DOHH: variants seen among roughly 807,000 people sequenced by gnomAD.
The protein encoded by DOHH is deoxyhypusine hydroxylase.
Under a neutral mutation model 19.9 loss-of-function variants are expected in DOHH, and 16 were observed. The ratio of observed to expected loss-of-function variants is 0.80; its 90% CI spans 0.54 to 1.22. The LOEUF is 1.22. Ranked by LOEUF, DOHH falls within the 50% of genes most tolerant of loss-of-function variation. The pLI, the probability that DOHH is intolerant of heterozygous loss-of-function variation, is 0.00. For synonymous variants in DOHH, 233 were observed against 217.0 expected, an observed-to-expected ratio of 1.07 and a Z score of -0.65; for missense variants, 460 against 460.6, an observed-to-expected ratio of 1.00 and a Z score of 0.01.
chr19:3,500,416 G>T (rs1385660954), intron 1 of DOHH, 145 bp downstream of exon 1: 1 of 152,248 alleles, frequency 6.6e-6, no homozygotes, highest in Non-Finnish European at 1.5e-5. Flanking sequence ...AGAGGAAAGA[G>T]ATCGCCGGGA....
At chr19:3,495,640 T>C (rs2082903034) in intron 2 of DOHH, among the ~76,000 whole-genome samples, 1 of 152,212 alleles carries the variant, frequency 6.6e-6, no homozygotes, top group Admixed American at 6.5e-5. Context: ...CGGGGTGCGA[T>C]GGCTCATGCC....
chr19:3,497,737 G>T (rs1256669787), intron 1 of DOHH, among the ~76,000 whole-genome samples: 3 of 152,116 alleles, frequency 2.0e-5, no homozygotes, highest in African/African-American at 4.8e-5. Flanking sequence ...TGATCCTCCT[G>T]CCTCAGACTT....
Position 3,491,572 on chromosome 19 carries a change from G to C in DOHH, c.829C>G (p.Leu277Val), listed in dbSNP as rs1211954568. 1.3e-6 allele frequency: 2 copies of C among 1,535,968 alleles called. No individual in the cohort carries two copies. Among genetic ancestry groups the C allele is most frequent in the Admixed American group, 3.9e-5 (2 of 51,010 alleles). The stretch of plus-strand genomic sequence containing the variant: ...CCGGTCTCGTGCTCATACATGTCCA[G>C]AGCCACCTCGCAGCTCTCACGCACC... ...RVVRESCEVA[L>V]DMYEHETGRA... Residue 277 changes from leucine to valine, a missense_variant, in exon 5 of 5, where the codon CTG (leucine) becomes GTG (valine). Physicochemically the swap from Leu to Val is conservative, Grantham distance 32. Coordinates refer to ENST00000427575, the MANE Select transcript of DOHH (RefSeq NM_001145165.2). This position sits in a 1 kb window ranked among gnomAD's most constrained non-coding sequence, Gnocchi z 5.6.
In DOHH at chr19:3,492,510, G is replaced by T; in HGVS notation, c.352-11C>A. The T allele has an allele frequency of 7.3e-7, 1 of 1,375,172 alleles. No individual in the cohort carries two copies. Among genetic ancestry groups the T allele is most frequent in the Non-Finnish European group, 9.3e-7 (1 of 1,071,152 alleles). The allele number at this position is 1,375,172 out of a possible 1,614,324, so 85.2% of individuals were successfully genotyped here. A position where few individuals can be genotyped will look rare whatever the true frequency, so the allele number is the denominator to read the frequency against. On this transcript the variant is annotated splice_polypyrimidine_tract_variant and intron_variant, in intron 3 of 4. Transcript: ENST00000427575. ...GCAGGTCTCGGCCACCTGCGGGGAG[G>T]GGGTATCAGGCAGCGGGTTGGCCCT...
At chr19:3,497,784 C>G (rs1346457190) in intron 1 of DOHH, among the ~76,000 whole-genome samples, 4 of 151,920 alleles carry the variant, frequency 2.6e-5, no homozygotes, top group Admixed American at 6.6e-5. Flanking sequence ...ACCAGCATGC[C>G]CAGCTAATTT....
At chr19:3,492,533 C>A in intron 3 of DOHH, 34 bp from the exon 4 acceptor site, 1 of 1,353,004 alleles carries the variant, frequency 7.4e-7, no homozygotes, top group South Asian at 1.8e-5. Context: ...GCGGGTTGGC[C>A]CTGGGGGGTC....
rs746100860 is a variant in DOHH at position 3,492,335 on chromosome 19, G to T, written c.516C>A (p.Leu172=). The part of the protein sequence containing the change: ...REALLDESRP[L]FERYRAMFAL... ...CGAACATGGCGCGGTATCGCTCGAA[G>T]AGCGGCCGGGACTCATCCAGCAGCG... The change falls in exon 4 of 5, where the codon CTC becomes CTA. Residue 172 remains leucine, a synonymous_variant. Transcript: ENST00000427575. 1 of 1,543,102 alleles carries T rather than the reference G, an allele frequency of 6.5e-7. No individual in the cohort carries two copies. The highest frequency in any genetic ancestry group is 8.7e-7 in the Non-Finnish European group (1 of 1,152,022).
At chr19:3,494,148 T>C (rs761438963) in intron 2 of DOHH, 44 bp from the exon 3 acceptor site, 9 of 1,563,264 alleles carry the variant, frequency 5.8e-6, no homozygotes, top group Non-Finnish European at 7.0e-6. Flanking sequence ...GGGGTGGATG[T>C]GTGGAAAATG....
chr19:3,491,767 C>T lies in DOHH; in HGVS notation c.634G>A (p.Val212Ile), dbSNP rs988158405. 2 of 1,510,366 alleles carry T rather than the reference C, an allele frequency of 1.3e-6. No individual in the cohort carries two copies. Among genetic ancestry groups the T allele is most frequent in the Non-Finnish European group, 8.8e-7 (1 of 1,132,248 alleles). 93.6% of individuals were successfully genotyped at this position (1,510,366 alleles called of 1,614,324 possible). Reference sequence around the variant, plus strand: ...GCCTCGTGCTGCAGCTGTCCCAGGACGTAGCCGACCTCGTGGCGGAAGAGG... The same window carrying T: ...GCCTCGTGCTGCAGCTGTCCCAGGATGTAGCCGACCTCGTGGCGGAAGAGG... ...SALFRHEVGY[V>I]LGQLQHEAAV... Residue 212 changes from valine (V) to isoleucine (I), a missense_variant, in exon 5 of 5, where the codon GTC becomes ATC. By Grantham distance (29) the Val-to-Ile change is conservative. Transcript: ENST00000427575. This position sits in a 1 kb window ranked among gnomAD's most constrained non-coding sequence, Gnocchi z 5.6.
At chr19:3,494,550 C>T (rs150990708) in intron 2 of DOHH, among the ~76,000 whole-genome samples, 13 of 152,330 alleles carry the variant, frequency 8.5e-5, no homozygotes, top group African/African-American at 3.1e-4. Flanking sequence ...CCGGGCCTGC[C>T]GGCTGGAGAC....
chr19:3,496,402 G>A lies in DOHH; in HGVS notation c.274+139C>T, dbSNP rs1599760958. 1 of 1,272,092 alleles carries A rather than the reference G, an allele frequency of 7.9e-7. No individual in the cohort carries two copies. Among genetic ancestry groups the A allele is most frequent in the East Asian group, 2.3e-5 (1 of 42,676 alleles). 78.8% of individuals were successfully genotyped at this position (1,272,092 alleles called of 1,614,324 possible). A position where few individuals can be genotyped will look rare whatever the true frequency, so the allele number is the denominator to read the frequency against. On this transcript the variant is annotated intron_variant, in intron 2 of 4. Coordinates refer to ENST00000427575, the MANE Select transcript of DOHH (RefSeq NM_001145165.2). This position sits in a 1 kb window ranked among gnomAD's most constrained non-coding sequence, Gnocchi z 4.8. ...TGAGTCGCTGTCTGGCTGCAGAGCT[G>A]CAGGTATTTACTATCTGGTGCTCTA...
intron 1 of DOHH, among the ~76,000 whole-genome samples, chr19:3,497,326 G>C (rs1383947972): frequency 6.6e-6 from 1 of 152,230 alleles, no homozygotes; most frequent in Non-Finnish European, 1.5e-5. Flanking sequence ...GGCATAAAAA[G>C]CACAACAGTC....
chr19:3,500,409 G>A (rs112816430), intron 1 of DOHH, among the ~76,000 whole-genome samples, 152 bp downstream of exon 1: 2 of 152,328 alleles, frequency 1.3e-5, no homozygotes, highest in African/African-American at 4.8e-5. Flanking sequence ...AAATCCCAGA[G>A]GAAAGAGATC....
chr19:3,494,023 G>A lies in DOHH; in HGVS notation c.351+5C>T, dbSNP rs749604084. 2.5e-6 allele frequency: 4 copies of A among 1,612,328 alleles called. No individual in the cohort carries two copies. The South Asian group carries it at 4.4e-5, about 18-fold the overall frequency. ...TGGCAGGGAGACAAGCAGGGGCCTGGTTACCTCGATGACGGGGTCCGAGGA... is the reference window on the plus strand; with the variant it reads ...TGGCAGGGAGACAAGCAGGGGCCTGATTACCTCGATGACGGGGTCCGAGGA... On this transcript the variant is annotated splice_donor_5th_base_variant and intron_variant, in intron 3 of 4. Coordinates refer to ENST00000427575, the MANE Select transcript of DOHH (RefSeq NM_001145165.2).
In DOHH at chr19:3,496,219, C is replaced by T. The variant is rs776253794; in HGVS notation, c.274+322G>A. On this transcript the variant is annotated intron_variant, in intron 2 of 4. Coordinates refer to ENST00000427575, the MANE Select transcript of DOHH (RefSeq NM_001145165.2). This position sits in a 1 kb window ranked among gnomAD's most constrained non-coding sequence, Gnocchi z 4.8. ...TAGAGACAGGGTTTTGCCATGTTGC[C>T]CAGGATGGTCTTGAACTCCTGAGTT... 6.6e-6 allele frequency among the ~76,000 whole-genome samples: 1 copy of T among 152,054 alleles called. No individual in the cohort carries two copies. Among genetic ancestry groups the T allele is most frequent in the Non-Finnish European group, 1.5e-5 (1 of 68,014 alleles).
intron 1 of DOHH, among the ~76,000 whole-genome samples, chr19:3,498,586 G>A (rs7259770): frequency 0.24 from 36,941 of 151,840 alleles, 5,402 homozygotes; most frequent in East Asian, 0.6. Flanking sequence ...TGTATTTTTA[G>A]TAGAGACAGG....
intron 2 of DOHH, among the ~76,000 whole-genome samples, chr19:3,494,777 C>A (rs557363603): frequency 6.6e-6 from 1 of 152,326 alleles, no homozygotes; most frequent in South Asian, 2.1e-4. Flanking sequence ...TTGCGGTTTG[C>A]GTTTGTGCAC....
rs765177422 is a variant in DOHH, at chr19:3,494,044, G to C, written c.335C>G (p.Ser112Trp). The C allele has an allele frequency of 3.1e-6, 5 of 1,613,624 alleles. No homozygotes were observed. Among genetic ancestry groups the C allele is most frequent in the Non-Finnish European group, 2.5e-6 (3 of 1,179,732 alleles). The change falls in exon 3 of 5, where the codon TCG becomes TGG. Residue 112 changes from serine (S) to tryptophan (W), a missense_variant. Transcript: ENST00000427575. ...CCTGGTTACCTCGATGACGGGGTCC[G>C]AGGAATACTGCTTCAGGATCTCCAG... ...EVLEILKQYS[S>W]DPVIEVAETC...
chr19:3,496,573 G>A lies in DOHH; in HGVS notation c.242C>T (p.Thr81Ile). ...ATGGCGCACCATGGGCTCCTGACGG[G>A]TGTCTTGCAGCACGTCCACCAGCAT... ...IPMLVDVLQD[T>I]RQEPMVRHEA... The change falls in exon 2 of 5, where the codon ACC becomes ATC. Residue 81 changes from threonine to isoleucine, a missense_variant. Transcript: ENST00000427575. The surrounding 1 kb of genome is among the most constrained non-coding windows in gnomAD (Gnocchi z 4.8). 6.2e-7 allele frequency: 1 copy of A among 1,613,634 alleles called. No homozygotes were observed. Among genetic ancestry groups the A allele is most frequent in the African/African-American group, 1.3e-5 (1 of 75,082 alleles).
Sources: gnomAD v4.1 joint callset for allele counts (sites outside exome capture counted in the v4.1 genomes callset) on GRCh38, gnomAD v4.1.1 for gene constraint, Gnocchi (gnomAD v3.1) non-coding constraint, MANE v1.5 for transcripts, NCBI Gene and HGNC (gene_info 2026-07-23, HGNC 2026-07-21) for gene names.